GRIP1: variants seen among roughly 807,000 people sequenced by gnomAD.
The protein encoded by GRIP1 is glutamate receptor-interacting protein 1.
GRIP1 carries 45 observed loss-of-function variants against 129.9 expected under a neutral mutation model. The ratio of observed to expected loss-of-function variants is 0.35; its 90% CI spans 0.27 to 0.44. The LOEUF (loss-of-function observed/expected upper bound fraction) is 0.44, where lower values mean the gene tolerates loss of function less well. Among genes scored for constraint, GRIP1 ranks in the 20% least tolerant of loss-of-function variants. GRIP1 has a pLI of 1.00. For synonymous variants in GRIP1, 530 were observed against 520.8 expected (o/e 1.02, Z -0.24); for missense variants, 1,196 against 1,396.8 (o/e 0.86, Z 2.29).
chr12:66,914,780 G>C (rs2041091591), intron 1 of GRIP1, among the ~76,000 whole-genome samples: 1 of 152,178 alleles, frequency 6.6e-6, no homozygotes, highest in Non-Finnish European at 1.5e-5. Flanking sequence ...CCTGGCAGGA[G>C]AAAAACAAAT....
chr12:66,432,797 G>C (rs1351582065), intron 13 of GRIP1, among the ~76,000 whole-genome samples, 169 bp from the exon 14 acceptor site: 1 of 152,146 alleles, frequency 6.6e-6, no homozygotes, highest in Non-Finnish European at 1.5e-5. Flanking sequence ...TCCTGGTGAT[G>C]AATACACTTC....
At position 66,594,067 on chromosome 12, in the gene GRIP1, CAAAAAAAAAAAA is replaced by C. The variant is rs10661389; in HGVS notation, c.136+2768_136+2779del. On this transcript the variant is annotated intron_variant, in intron 2 of 24. Transcript: ENST00000359742. ...TGGGTGACAGAGCAAGACTCCGTCT[CAAAAAAAAAAAA>C]AAAAAAAAAAAAAGATTTCAGCCTC... Among the ~76,000 whole-genome samples the C allele has an allele frequency of 1.2e-3, 61 of 52,932 alleles. 1 individual carries two copies. The highest frequency in any genetic ancestry group is 1.5e-3 in the Non-Finnish European group (47 of 31,828). 34.7% of individuals were successfully genotyped at this position (52,932 alleles called of 152,430 possible).
chr12:66,885,008 T>C (rs1343532845), intron 1 of GRIP1, among the ~76,000 whole-genome samples: 1 of 152,164 alleles, frequency 6.6e-6, no homozygotes, highest in African/African-American at 2.4e-5. Flanking sequence ...GCTGGGCACT[T>C]AGAGGTTTTC....
intron 1 of GRIP1, among the ~76,000 whole-genome samples, chr12:66,945,367 T>C (rs2041651331): frequency 6.6e-6 from 1 of 152,190 alleles, no homozygotes; most frequent in South Asian, 2.1e-4. Flanking sequence ...AACCTGTTCT[T>C]GTGTTGCTAT....
At chr12:66,381,770 A>G (rs997832810) in intron 19 of GRIP1, among the ~76,000 whole-genome samples, 2 of 152,228 alleles carry the variant, frequency 1.3e-5, no homozygotes, top group Non-Finnish European at 2.9e-5. Context: ...AGGCATGTGT[A>G]TCTCTAATAA....
At chr12:66,401,137 C>A (rs1445404869) in intron 16 of GRIP1, among the ~76,000 whole-genome samples, 1 of 152,184 alleles carries the variant, frequency 6.6e-6, no homozygotes, top group Non-Finnish European at 1.5e-5. Flanking sequence ...AAAACGCCTA[C>A]AACCCCAAGT....
intron 1 of GRIP1, among the ~76,000 whole-genome samples, chr12:66,821,664 CTT>C (rs2039320906): frequency 6.6e-6 from 1 of 152,172 alleles, no homozygotes; most frequent in Non-Finnish European, 1.5e-5. Context: ...ATAAATCTCT[CTT>C]ATACATACTC....
intron 13 of GRIP1, among the ~76,000 whole-genome samples, chr12:66,436,121 A>G (rs1017519225): frequency 6.6e-6 from 1 of 152,116 alleles, no homozygotes; most frequent in Non-Finnish European, 1.5e-5. Flanking sequence ...TACTTCCCTG[A>G]TTTTGCTTTA....
chr12:66,622,622 C>A (rs944830786), intron 1 of GRIP1, among the ~76,000 whole-genome samples: 4 of 152,128 alleles, frequency 2.6e-5, no homozygotes, highest in African/African-American at 9.7e-5. Flanking sequence ...CAACTGAATA[C>A]TGTTTCCAAT....
At chr12:66,436,505 T>C (rs1445992444) in intron 13 of GRIP1, among the ~76,000 whole-genome samples, 1 of 152,218 alleles carries the variant, frequency 6.6e-6, no homozygotes, top group African/African-American at 2.4e-5. Context: ...CAAGGCAAAA[T>C]ATAAATTGTG....
At chr12:66,523,596 C>T (rs578182269) in intron 5 of GRIP1, among the ~76,000 whole-genome samples, 296 of 152,038 alleles carry the variant, frequency 1.9e-3, no homozygotes, top group African/African-American at 6.8e-3. Context: ...TAAAGACCAT[C>T]GAGACTAGGA....
At chr12:66,965,381 G>A (rs1325884191) in intron 1 of GRIP1, among the ~76,000 whole-genome samples, 3 of 151,770 alleles carry the variant, frequency 2.0e-5, no homozygotes, top group Non-Finnish European at 4.4e-5. Context: ...CTGCCTTTTT[G>A]GAAAATATTT....
intron 5 of GRIP1, among the ~76,000 whole-genome samples, chr12:66,528,371 T>G (rs978981188): frequency 5.3e-5 from 8 of 152,220 alleles, no homozygotes; most frequent in Admixed American, 5.2e-4. Flanking sequence ...TCTCCTGACC[T>G]CATTATCTGC....
intron 1 of GRIP1, among the ~76,000 whole-genome samples, chr12:66,781,757 T>C (rs2038167038): frequency 6.6e-6 from 1 of 152,178 alleles, no homozygotes; most frequent in Admixed American, 6.5e-5. Flanking sequence ...CTGTATAACT[T>C]AATTCAAAAT....
intron 1 of GRIP1, among the ~76,000 whole-genome samples, chr12:66,645,100 C>T (rs1323858142): frequency 6.6e-6 from 1 of 152,136 alleles, no homozygotes; most frequent in Admixed American, 6.5e-5. Context: ...ATCATGGTAT[C>T]TTTTTCAACT....
At chr12:66,853,856 T>C (rs1252259) in intron 1 of GRIP1, among the ~76,000 whole-genome samples, 41,105 of 151,972 alleles carry the variant, frequency 0.27, 6,809 homozygotes, top group Non-Finnish European at 0.37. Context: ...TGAATATGAT[T>C]GGTTCCTATC....
At chr12:66,496,604 G>A (rs1221862439) in intron 7 of GRIP1, among the ~76,000 whole-genome samples, 1 of 152,110 alleles carries the variant, frequency 6.6e-6, no homozygotes, top group African/African-American at 2.4e-5. Flanking sequence ...GCCCTTCAAA[G>A]TCTGAATCTC....
At position 66,549,078 on chromosome 12, in the gene GRIP1, C is replaced by T. The variant is rs543231249; in HGVS notation, c.137-7128G>A. Among the ~76,000 whole-genome samples the T allele has an allele frequency of 8.5e-5, 13 of 152,272 alleles. No homozygotes were observed. The South Asian group carries it at 2.5e-3, about 29-fold the overall frequency. On this transcript the variant is annotated intron_variant, in intron 2 of 24. Coordinates refer to ENST00000359742, the MANE Select transcript of GRIP1 (RefSeq NM_001366722.1). ...TAAATAGAAATACTATTGGTGAAAA[C>T]TCTGTAAAGTAAGTCACAAATTTTG...
At chr12:66,396,515 T>C (rs2056794408) in intron 16 of GRIP1, among the ~76,000 whole-genome samples, 1 of 152,182 alleles carries the variant, frequency 6.6e-6, no homozygotes, top group South Asian at 2.1e-4. Flanking sequence ...GATGACAAAA[T>C]AATACCAGAG....
Sources: allele counts gnomAD v4.1 joint callset (sites outside exome capture counted in the v4.1 genomes callset), GRCh38; gene constraint gnomAD v4.1.1; transcripts MANE v1.5; gene names NCBI Gene and HGNC (gene_info 2026-07-23, HGNC 2026-07-21).